TMEM255A: variants seen among roughly 807,000 people sequenced by gnomAD.
TMEM255A encodes the protein transmembrane protein 255A.
TMEM255A carries 14 observed loss-of-function variants against 23.5 expected under a neutral mutation model. The ratio of observed to expected loss-of-function variants is 0.60; its 90% CI spans 0.39 to 0.93. TMEM255A has a LOEUF of 0.93. Among genes scored for constraint, TMEM255A ranks in the 40% least tolerant of loss-of-function variants. The pLI is 0.00. For synonymous variants in TMEM255A, 104 were observed against 100.3 expected (o/e 1.04, Z -0.22); for missense variants, 233 against 261.7 (o/e 0.89, Z 0.76).
the TMEM255A span, among the ~76,000 whole-genome samples, chrX:120,251,435 TCTA>T: frequency 9.1e-6 from 1 of 109,505 alleles, no homozygotes; most frequent in Admixed American, 9.6e-5. Context: ...TTCGCCACCT[TCTA>T]CTTTCCCTGG....
intron 2 of TMEM255A, among the ~76,000 whole-genome samples, chrX:120,300,554 A>ATTTTTTTTTTTTTTTTT (rs368966488): frequency 1.3e-5 from 1 of 74,233 alleles, no homozygotes; most frequent in African/African-American, 5.9e-5. Context: ...GGCCAGGCTA[A>ATTTTTTTTTTTTTTTTT]TTTTTTTTTT....
At chrX:120,293,321 T>G (rs1481773438) in intron 3 of TMEM255A, among the ~76,000 whole-genome samples, 1 of 112,982 alleles carries the variant, frequency 8.9e-6, no homozygotes, top group Non-Finnish European at 1.9e-5. Flanking sequence ...CTTTTCAGAT[T>G]GAACCAGGAA....
intron 6 of TMEM255A, among the ~76,000 whole-genome samples, chrX:120,282,641 A>T (rs1427147296): frequency 8.9e-6 from 1 of 111,767 alleles, no homozygotes; most frequent in African/African-American, 3.3e-5. Context: ...TGCATAGTTT[A>T]GCACAGCTCC....
At chrX:120,300,135 T>C in intron 2 of TMEM255A, among the ~76,000 whole-genome samples, 1 of 110,933 alleles carries the variant, frequency 9.0e-6, no homozygotes, top group East Asian at 2.8e-4. Flanking sequence ...TCTTGTGGGT[T>C]GCTTGGGAAA....
chrX:120,294,721 C>CT (rs549019022), intron 2 of TMEM255A, among the ~76,000 whole-genome samples: 78 of 111,209 alleles, frequency 7.0e-4, no homozygotes, highest in South Asian at 2.2e-3. Flanking sequence ...TTATTTTTAT[C>CT]TTTTTTTTGA....
At chrX:120,293,079 T>C (rs981237391) in intron 3 of TMEM255A, among the ~76,000 whole-genome samples, 3 of 112,098 alleles carry the variant, frequency 2.7e-5, no homozygotes, top group Non-Finnish European at 3.8e-5. Flanking sequence ...ATTCCCCATA[T>C]CGCTGGGGGA....
intron 6 of TMEM255A, among the ~76,000 whole-genome samples, chrX:120,280,386 G>GT (rs201342377): frequency 0.06 from 6,301 of 105,812 alleles, 206 homozygotes; most frequent in South Asian, 0.14. Flanking sequence ...TATATACTTG[G>GT]TTTCAGTTTG....
At chrX:120,271,192 A>C in intron 7 of TMEM255A, among the ~76,000 whole-genome samples, 1 of 112,261 alleles carries the variant, frequency 8.9e-6, no homozygotes, top group Non-Finnish European at 1.9e-5. Flanking sequence ...AATTAAATCA[A>C]CTAAACAAAG....
chrX:120,252,000 A>G, the TMEM255A span, among the ~76,000 whole-genome samples: 116 of 112,781 alleles, frequency 1.0e-3, no homozygotes, highest in African/African-American at 3.5e-3. Context: ...GTTTTTGGCA[A>G]ACTGTCCAAA....
intron 7 of TMEM255A, among the ~76,000 whole-genome samples, chrX:120,270,530 A>G (rs782457000): frequency 9.0e-6 from 1 of 111,153 alleles, no homozygotes; most frequent in South Asian, 3.8e-4. Context: ...TCTCCAGTTT[A>G]CTCTAAACCA....
In TMEM255A at chrX:120,284,183, T is replaced by G. The variant is rs73639520; in HGVS notation, c.512+944A>C. Reference sequence around the variant, plus strand: ...CCCCACTGCACTTATCACATTATATTGCAATCGATTGTTCACATGTCCATC... The same window carrying G: ...CCCCACTGCACTTATCACATTATATGGCAATCGATTGTTCACATGTCCATC... On this transcript the variant is annotated intron_variant, in intron 6 of 8. Coordinates refer to ENST00000371369, the MANE Select transcript of TMEM255A (RefSeq NM_001104544.3). Among the ~76,000 whole-genome samples the G allele has an allele frequency of 7.0e-3, 791 of 112,201 alleles. 6 individuals carry two copies. The highest frequency in any genetic ancestry group is 0.023 in the African/African-American group (705 of 30,881).
At chrX:120,280,089 A>T (rs1263405845) in intron 6 of TMEM255A, among the ~76,000 whole-genome samples, 2 of 91,400 alleles carry the variant, frequency 2.2e-5, no homozygotes, top group Non-Finnish European at 4.1e-5. Flanking sequence ...TGCAGCCTCA[A>T]CCTCCTTGAC....
At position 120,302,709 on chromosome X, in the gene TMEM255A, GC is replaced by G. The variant is rs782668315; in HGVS notation, c.201+1639del. On this transcript the variant is annotated intron_variant, in intron 2 of 8. Transcript: ENST00000371369. Reference sequence around the variant, plus strand: ...AGCTGTGGAGGCACTTCCCCCAGCAGCCTTCAGCTCCAGGAAGGCATAGCCT... The same window carrying G: ...AGCTGTGGAGGCACTTCCCCCAGCAGCTTCAGCTCCAGGAAGGCATAGCCT... 2.3e-4 allele frequency among the ~76,000 whole-genome samples: 25 copies of G among 111,071 alleles called. No individual in the cohort carries two copies. The South Asian group carries it at 9.5e-3, about 42-fold the overall frequency.
chrX:120,290,720 C>T (rs2057909115), intron 4 of TMEM255A, among the ~76,000 whole-genome samples: 1 of 111,842 alleles, frequency 8.9e-6, no homozygotes, highest in Non-Finnish European at 1.9e-5. Context: ...GAGGGGCCTA[C>T]ATTTATATTC....
intron 6 of TMEM255A, among the ~76,000 whole-genome samples, chrX:120,283,367 A>G (rs925903845): frequency 9.0e-6 from 1 of 111,390 alleles, no homozygotes; most frequent in Non-Finnish European, 1.9e-5. Flanking sequence ...AAGAAGGTAA[A>G]GAGCTGGTGT....
intron 2 of TMEM255A, among the ~76,000 whole-genome samples, chrX:120,296,815 TC>T (rs1556024363): frequency 9.4e-5 from 2 of 21,381 alleles, no homozygotes; most frequent in Non-Finnish European, 1.3e-4. Flanking sequence ...ATAATATATA[TC>T]ATATATAATA....
At chrX:120,275,784 A>ATTTTTTTTT (rs11342181) in intron 7 of TMEM255A, among the ~76,000 whole-genome samples, 1 of 60,250 alleles carries the variant, frequency 1.7e-5, no homozygotes, top group Non-Finnish European at 2.8e-5. Flanking sequence ...GAGCCCAAGC[A>ATTTTTTTTT]TTTTTTTTTT....
At chrX:120,282,392 G>A (rs1434501761) in intron 6 of TMEM255A, among the ~76,000 whole-genome samples, 1 of 111,635 alleles carries the variant, frequency 9.0e-6, no homozygotes, top group African/African-American at 3.3e-5. Flanking sequence ...CTGGCTTCCA[G>A]GCACTAGGTA....
chrX:120,310,736 C>CA (rs2058094998), intron 1 of TMEM255A, among the ~76,000 whole-genome samples: 1 of 72,624 alleles, frequency 1.4e-5, no homozygotes, highest in South Asian at 1.3e-3. Flanking sequence ...CCCGCCCCCC[C>CA]CCCCCAATCA....
Sources: allele counts gnomAD v4.1 joint callset (sites outside exome capture counted in the v4.1 genomes callset), GRCh38; gene constraint gnomAD v4.1.1; transcripts MANE v1.5; gene names NCBI Gene and HGNC (gene_info 2026-07-23, HGNC 2026-07-21).